The following FMN2 variants were observed in gnomAD, a reference collection of about 807,000 sequenced individuals.
FMN2 encodes formin-2.
A neutral mutation model predicts 142.3 loss-of-function variants in FMN2; 51 were observed. The observed-to-expected ratio is 0.36, with a 90% CI of 0.29 to 0.45. FMN2 has a LOEUF of 0.45. FMN2 is among the 20% of genes least tolerant of loss of function. FMN2 has a pLI of 1.00. For missense variants in FMN2, 1,936 were observed against 2,122.8 expected, an observed-to-expected ratio of 0.91 and a Z score of 1.73; for synonymous variants, 882 against 869.8, an observed-to-expected ratio of 1.01 and a Z score of -0.25.
At chr1:240,132,823 G>C (rs1185030932) in intron 2 of FMN2, among the ~76,000 whole-genome samples, 2 of 152,152 alleles carry the variant, frequency 1.3e-5, no homozygotes, top group Non-Finnish European at 2.9e-5. Flanking sequence ...CACCTTTCAG[G>C]TTCAGTCATC....
At chr1:240,121,378 T>TTA (rs1396541862) in intron 1 of FMN2, among the ~76,000 whole-genome samples, 2 of 142,806 alleles carry the variant, frequency 1.4e-5, no homozygotes, top group African/African-American at 5.3e-5. Context: ...TTTTTTTATT[T>TTA]TTATTTTTTT....
intron 1 of FMN2, among the ~76,000 whole-genome samples, chr1:240,101,492 G>A (rs546431985): frequency 4.8e-5 from 7 of 145,912 alleles, no homozygotes; most frequent in African/African-American, 1.5e-4. Context: ...CAATAGGACC[G>A]TGTGTGTGTG....
intron 13 of FMN2, among the ~76,000 whole-genome samples, chr1:240,338,324 C>G (rs944777770): frequency 6.6e-6 from 1 of 152,210 alleles, no homozygotes; most frequent in Non-Finnish European, 1.5e-5. Context: ...CTTACAACTA[C>G]TAGTTTGTAA....
intron 1 of FMN2, among the ~76,000 whole-genome samples, chr1:240,103,028 C>A (rs982648661): frequency 6.6e-6 from 1 of 151,964 alleles, no homozygotes; most frequent in Admixed American, 6.6e-5. Context: ...CCACACCCGG[C>A]CGATTTTTGC....
chr1:240,233,524 G>T (rs1468318236), intron 6 of FMN2, among the ~76,000 whole-genome samples: 2 of 152,110 alleles, frequency 1.3e-5, no homozygotes, highest in Non-Finnish European at 2.9e-5. Context: ...TCATCTAGAG[G>T]AAGTGACATA....
At chr1:240,287,091 A>G (rs1425009472) in intron 7 of FMN2, among the ~76,000 whole-genome samples, 2 of 152,190 alleles carry the variant, frequency 1.3e-5, no homozygotes, top group Admixed American at 6.5e-5. Flanking sequence ...CCAAAATGTA[A>G]AAGTTTCTAT....
chr1:240,143,046 CTG>C, intron 2 of FMN2: 1 of 1,500,166 alleles, frequency 6.7e-7, no homozygotes, highest in South Asian at 1.1e-5. Context: ...CTGCCAGTCA[CTG>C]TGGTAGGGGC....
chr1:240,142,785 G>GT, intron 2 of FMN2: 1 of 1,589,666 alleles, frequency 6.3e-7, no homozygotes. Context: ...CGACACTGGG[G>GT]TTGTATGTGT....
At chr1:240,227,994 T>TA (rs914288993) in intron 6 of FMN2, among the ~76,000 whole-genome samples, 3 of 151,820 alleles carry the variant, frequency 2.0e-5, no homozygotes, top group African/African-American at 7.3e-5. Context: ...ACAATAATTT[T>TA]AAAAAAATCT....
chr1:240,320,968 A>G (rs1403775406), intron 8 of FMN2, among the ~76,000 whole-genome samples: 3 of 152,182 alleles, frequency 2.0e-5, no homozygotes, highest in African/African-American at 7.2e-5. Context: ...CACAGGGGGA[A>G]AAAGTCATTT....
At chr1:240,314,609 T>G (rs1670705598) in intron 8 of FMN2, among the ~76,000 whole-genome samples, 1 of 152,246 alleles carries the variant, frequency 6.6e-6, no homozygotes, top group Non-Finnish European at 1.5e-5. Flanking sequence ...TTTGGAATAC[T>G]TTCATGTTCG....
chr1:240,204,608 G>A (rs184335549), intron 4 of FMN2, among the ~76,000 whole-genome samples: 165 of 152,258 alleles, frequency 1.1e-3, no homozygotes, highest in African/African-American at 3.8e-3. Context: ...AAAATTAGCC[G>A]GGCGTGGTGG....
At chr1:240,129,206 A>G (rs1234547484) in intron 2 of FMN2, among the ~76,000 whole-genome samples, 2 of 151,948 alleles carry the variant, frequency 1.3e-5, no homozygotes, top group Non-Finnish European at 2.9e-5. Context: ...AGCAGGAAAA[A>G]CATTTTAATG....
At chr1:240,391,042 G>GGCAA (rs1673585735) in intron 14 of FMN2, among the ~76,000 whole-genome samples, 1 of 152,106 alleles carries the variant, frequency 6.6e-6, no homozygotes, top group East Asian at 1.9e-4. Flanking sequence ...TTTTATGCTA[G>GGCAA]GCAACTCAGA....
chr1:240,372,652 T>C (rs2103071105), intron 14 of FMN2, among the ~76,000 whole-genome samples: 1 of 151,332 alleles, frequency 6.6e-6, no homozygotes, highest in East Asian at 1.9e-4. Flanking sequence ...TTTTTTTTTT[T>C]TTTTAAGGCT....
At chr1:240,327,606 C>T (rs1671213700) in intron 8 of FMN2, among the ~76,000 whole-genome samples, 1 of 151,950 alleles carries the variant, frequency 6.6e-6, no homozygotes, top group South Asian at 2.1e-4. Context: ...TTTTAATACA[C>T]CTTTGTGAGT....
At chr1:240,114,805 GCTC>G (rs1661958018) in intron 1 of FMN2, among the ~76,000 whole-genome samples, 1 of 151,920 alleles carries the variant, frequency 6.6e-6, no homozygotes, top group African/African-American at 2.4e-5. Context: ...CTACAGGCAT[GCTC>G]CACCATGCCC....
intron 7 of FMN2, among the ~76,000 whole-genome samples, chr1:240,268,885 A>G (rs533255682): frequency 6.6e-6 from 1 of 151,960 alleles, no homozygotes; most frequent in Non-Finnish European, 1.5e-5. Flanking sequence ...CCCATTTTCA[A>G]TAGGGTTATT....
intron 8 of FMN2, among the ~76,000 whole-genome samples, chr1:240,307,821 C>T (rs1466675741): frequency 6.6e-6 from 1 of 152,116 alleles, no homozygotes; most frequent in East Asian, 1.9e-4. Flanking sequence ...CAGTAGATTG[C>T]TTCAGGCAGT....
Sources: gnomAD v4.1 joint callset for allele counts (sites outside exome capture counted in the v4.1 genomes callset) on GRCh38, gnomAD v4.1.1 for gene constraint, MANE v1.5 for transcripts, NCBI Gene and HGNC (gene_info 2026-07-23, HGNC 2026-07-21) for gene names.